The following NCBP1 variants were observed in gnomAD, a reference collection of about 807,000 sequenced individuals.
NCBP1 encodes the protein nuclear cap binding protein subunit 1.
In NCBP1, 16 loss-of-function variants were observed where a neutral mutation model predicts 111.7. The observed-to-expected ratio is 0.14, with a 90% CI of 0.10 to 0.22. The LOEUF is 0.22. Among genes scored for constraint, NCBP1 ranks in the 10% least tolerant of loss-of-function variants. The pLI is 1.00. For synonymous variants in NCBP1, 304 were observed against 314.3 expected (o/e 0.97, Z 0.35); for missense variants, 607 against 957.5 (o/e 0.63, Z 4.83).
Position 97,671,446 on chromosome 9 carries a change from A to G in NCBP1, c.*247A>G, listed in dbSNP as rs904936543. On this transcript the variant is annotated 3_prime_UTR_variant, in exon 23 of 23. Coordinates refer to ENST00000375147, the MANE Select transcript of NCBP1 (RefSeq NM_002486.5). ...ATGTGACAGATACAAATTCTCTGTG[A>G]TCAGTTTGTTATTTTTTTTCTCCTT... 1.0e-5 allele frequency: 4 copies of G among 386,568 alleles called. No individual in the cohort carries two copies. The highest frequency in any genetic ancestry group is 1.9e-5 in the Non-Finnish European group (4 of 214,136). 23.9% of individuals were successfully genotyped at this position (386,568 alleles called of 1,614,324 possible). A position where few individuals can be genotyped will look rare whatever the true frequency, so the allele number is the denominator to read the frequency against.
intron 16 of NCBP1, 122 bp downstream of exon 16, chr9:97,661,190 C>G (rs1827824286): frequency 1.6e-6 from 2 of 1,222,718 alleles, no homozygotes; most frequent in African/African-American, 3.1e-5. Flanking sequence ...CCTGTTCAGA[C>G]TGTTGTTCTT....
intron 18 of NCBP1, 41 bp from the exon 19 acceptor site, chr9:97,664,299 A>ATG (rs750035060): frequency 5.7e-6 from 7 of 1,233,108 alleles, no homozygotes; most frequent in Admixed American, 3.5e-5. Flanking sequence ...ATGTGTGTGT[A>ATG]TGTGTGTGTG....
chr9:97,641,491 TA>T, intron 2 of NCBP1, 70 bp from the exon 3 acceptor site: 1 of 1,188,282 alleles, frequency 8.4e-7, no homozygotes, highest in East Asian at 2.9e-5. Context: ...TATTTACATT[TA>T]AATAGATTTT....
intron 21 of NCBP1, 120 bp downstream of exon 21, chr9:97,669,094 A>G: frequency 8.4e-7 from 1 of 1,183,822 alleles, no homozygotes; most frequent in Admixed American, 2.7e-5. Context: ...AAGAGATTAA[A>G]AATACAAAAA....
chr9:97,652,401 T>C (rs1194253037), intron 10 of NCBP1, among the ~76,000 whole-genome samples: 2 of 152,170 alleles, frequency 1.3e-5, no homozygotes, highest in Non-Finnish European at 2.9e-5. Flanking sequence ...GCTGATAGCT[T>C]GAGCTCAGGA....
At chr9:97,666,956 G>T in intron 20 of NCBP1, 79 bp downstream of exon 20, 1 of 1,072,972 alleles carries the variant, frequency 9.3e-7, no homozygotes, top group Non-Finnish European at 1.3e-6. Flanking sequence ...TCATTATCTT[G>T]ATGATATTTC....
At chr9:97,667,623 A>G (rs530364251) in intron 20 of NCBP1, among the ~76,000 whole-genome samples, 1 of 152,342 alleles carries the variant, frequency 6.6e-6, no homozygotes, top group South Asian at 2.1e-4. Context: ...CATAGCTGGT[A>G]AATGACCAGA....
At chr9:97,658,194 T>G (rs1827726579) in intron 14 of NCBP1, among the ~76,000 whole-genome samples, 2 of 152,184 alleles carry the variant, frequency 1.3e-5, no homozygotes, top group Non-Finnish European at 2.9e-5. Context: ...ACTGTTTTTA[T>G]GTCCACCTGT....
chr9:97,662,896 C>A, intron 17 of NCBP1, 58 bp from the exon 18 acceptor site: 2 of 1,292,464 alleles, frequency 1.5e-6, no homozygotes, highest in Non-Finnish European at 2.2e-6. Flanking sequence ...GCTTTGAAAA[C>A]ACTAAAATGT....
intron 1 of NCBP1, among the ~76,000 whole-genome samples, chr9:97,634,202 A>G (rs1826924533): frequency 1.3e-5 from 2 of 152,364 alleles, no homozygotes; most frequent in South Asian, 2.1e-4. Context: ...TTTCGTCCGT[A>G]AAACCACGGA....
At chr9:97,654,286 A>G (rs1827581195) in intron 11 of NCBP1, among the ~76,000 whole-genome samples, 1 of 152,214 alleles carries the variant, frequency 6.6e-6, no homozygotes, top group Non-Finnish European at 1.5e-5. Context: ...CTGCTTTATT[A>G]GCTAAGTTTC....
At chr9:97,646,556 C>T (rs1011451938) in intron 6 of NCBP1, among the ~76,000 whole-genome samples, 1 of 151,964 alleles carries the variant, frequency 6.6e-6, no homozygotes, top group Non-Finnish European at 1.5e-5. Context: ...AATCTTTTGG[C>T]CGGGCGCAGT....
Position 97,645,686 on chromosome 9 carries a change from G to C in NCBP1, c.565G>C (p.Asp189His). ...TGGAAAGGAGTTGTACGAAAAGAAA[G>C]ATGCAGAGATGGACCGCATCTTTGC... ...WVGKELYEKK[D>H]AEMDRIFANT... The change falls in exon 6 of 23, where the codon GAT becomes CAT. Residue 189 changes from aspartate to histidine, a missense_variant. Coordinates refer to ENST00000375147, the MANE Select transcript of NCBP1 (RefSeq NM_002486.5). The C allele has an allele frequency of 6.2e-7, 1 of 1,614,082 alleles. No homozygotes were observed. The highest frequency in any genetic ancestry group is 8.5e-7 in the Non-Finnish European group (1 of 1,179,952).
rs73498374 is a variant in NCBP1 at position 97,660,908 on chromosome 9, T to A, written c.1478-38T>A. 6 of 1,573,808 alleles carry A rather than the reference T, an allele frequency of 3.8e-6. No homozygotes were observed. In the African/African-American group the frequency reaches 8.2e-5, roughly 21 times the overall value. ...TGTTCATTAGAATAGTCTTGAAACC[T>A]GATCTGTCATTCCCCTTACCCCCAA... On this transcript the variant is annotated intron_variant, in intron 15 of 22. Coordinates refer to ENST00000375147, the MANE Select transcript of NCBP1 (RefSeq NM_002486.5).
In NCBP1 at chr9:97,633,893, G is replaced by T. The variant is rs1826908472; in HGVS notation, c.12G>T (p.Arg4=). 6.3e-7 allele frequency: 1 copy of T among 1,589,130 alleles called. No individual in the cohort carries two copies. The change falls in exon 1 of 23, where the codon CGG becomes CGT. Residue 4 remains arginine, a synonymous_variant. Coordinates refer to ENST00000375147, the MANE Select transcript of NCBP1 (RefSeq NM_002486.5). MSR[R]RHSDENDGGQ... ...CACCGGAGGGCAGCATGTCGCGGCGGCGGCACAGCGACGAGAACGACGGTG... is the reference window on the plus strand; with the variant it reads ...CACCGGAGGGCAGCATGTCGCGGCGTCGGCACAGCGACGAGAACGACGGTG...
chr9:97,660,013 C>T (rs577046440), intron 15 of NCBP1, among the ~76,000 whole-genome samples: 5 of 152,172 alleles, frequency 3.3e-5, no homozygotes, highest in Non-Finnish European at 5.9e-5. Context: ...GATTCTAGCC[C>T]AAGCTCAATA....
chr9:97,634,041 A>G (rs1587989579), intron 1 of NCBP1, 126 bp downstream of exon 1: 1 of 1,210,860 alleles, frequency 8.3e-7, no homozygotes, highest in East Asian at 3.0e-5. Flanking sequence ...CCGCGGAGGG[A>G]AAGAGGAGAA....
At chr9:97,654,795 T>G in intron 11 of NCBP1, 85 bp from the exon 12 acceptor site, 2 of 1,175,332 alleles carry the variant, frequency 1.7e-6, no homozygotes, top group South Asian at 1.3e-5. Flanking sequence ...TTATAAAGAC[T>G]TGAAATGTTT....
In NCBP1 at chr9:97,655,625, A is replaced by G; in HGVS notation, c.1236-77A>G. The G allele has an allele frequency of 3.3e-6, 4 of 1,210,156 alleles. No homozygotes were observed. The South Asian group carries it at 5.6e-5, about 17-fold the overall frequency. The allele number at this position is 1,210,156 out of a possible 1,614,324, so 75.0% of individuals were successfully genotyped here. A position where few individuals can be genotyped will look rare whatever the true frequency, so the allele number is the denominator to read the frequency against. ...TGTAAAGTCGGGTTTTATCTGTTTGAAGGCTTATATAAGTTTCTGTTCTAA... is the reference window on the plus strand; with the variant it reads ...TGTAAAGTCGGGTTTTATCTGTTTGGAGGCTTATATAAGTTTCTGTTCTAA... On this transcript the variant is annotated intron_variant, in intron 12 of 22. Transcript: ENST00000375147.
Sources: allele counts gnomAD v4.1 joint callset (sites outside exome capture counted in the v4.1 genomes callset), GRCh38; gene constraint gnomAD v4.1.1; transcripts MANE v1.5; gene names NCBI Gene and HGNC (gene_info 2026-07-23, HGNC 2026-07-21).